Variants in SRPK2 observed in about 807,000 individuals in gnomAD.
SRPK2 encodes the protein SRSF protein kinase 2.
In SRPK2, 21 loss-of-function variants were observed where a neutral mutation model predicts 90.8. The observed-to-expected ratio is 0.23, with a 90% confidence interval of 0.16 to 0.33. SRPK2 has a LOEUF of 0.33. Among genes scored for constraint, SRPK2 ranks in the 10% least tolerant of loss-of-function variants. The pLI is 1.00. For synonymous variants in SRPK2, 288 were observed against 311.1 expected (o/e 0.93, Z 0.78); for missense variants, 620 against 869.0 (o/e 0.71, Z 3.60).
Position 105,350,526 on chromosome 7 carries a change from T to C in SRPK2, c.71+38122A>G, listed in dbSNP as rs1585834646. Among the ~76,000 whole-genome samples, 6 of 104,998 alleles carry C rather than the reference T, an allele frequency of 5.7e-5. No individual in the cohort carries two copies. In the South Asian group the frequency reaches 1.7e-3, roughly 30 times the overall value. The allele number at this position is 104,998 out of a possible 152,430, so 68.9% of individuals were successfully genotyped here. On this transcript the variant is annotated intron_variant, in intron 2 of 15. Coordinates refer to ENST00000393651, the MANE Select transcript of SRPK2 (RefSeq NM_182692.3). ...TAACCCTGTGGTTGCTACAATTTTT[T>C]TTCTTTTTTTTTTTTTTTTGAGACG...
chr7:105,283,026 A>AT (rs1171612825), intron 2 of SRPK2, among the ~76,000 whole-genome samples: 1 of 152,232 alleles, frequency 6.6e-6, no homozygotes, highest in Non-Finnish European at 1.5e-5. Flanking sequence ...CAAGTAGCTA[A>AT]TAAGCACACA....
At chr7:105,120,270 G>A (rs1800148216) in intron 15 of SRPK2, among the ~76,000 whole-genome samples, 1 of 152,160 alleles carries the variant, frequency 6.6e-6, no homozygotes, top group South Asian at 2.1e-4. Context: ...CTACAGAGAA[G>A]CACTGTGTGC....
chr7:105,366,433 G>T (rs1456154313), intron 2 of SRPK2, among the ~76,000 whole-genome samples: 2 of 143,348 alleles, frequency 1.4e-5, no homozygotes, highest in Non-Finnish European at 3.0e-5. Flanking sequence ...GCAGTGGCAT[G>T]ATCTTGACTC....
chr7:105,170,979 GAAAGAAAGAAAGAA>G (rs1791020554), intron 3 of SRPK2, among the ~76,000 whole-genome samples: 2 of 102,400 alleles, frequency 2.0e-5, no homozygotes, highest in African/African-American at 7.8e-5. Context: ...GAAAGAAAGA[GAAAGAAAGAAAGAA>G]AGAGAAAGAA....
At chr7:105,341,603 C>G (rs573599302) in intron 2 of SRPK2, among the ~76,000 whole-genome samples, 11 of 152,178 alleles carry the variant, frequency 7.2e-5, no homozygotes, top group African/African-American at 2.6e-4. Flanking sequence ...GCTCAGGAGG[C>G]AGAGGTTGCA....
At chr7:105,118,119 C>G (rs1799822197) in intron 15 of SRPK2, 97 bp from the exon 16 acceptor site, 3 of 1,230,134 alleles carry the variant, frequency 2.4e-6, no homozygotes, top group Non-Finnish European at 3.4e-6. Flanking sequence ...CGGACAACCA[C>G]CTGCTCAACA....
chr7:105,227,140 CA>C (rs1798813063), intron 2 of SRPK2, among the ~76,000 whole-genome samples: 1 of 152,036 alleles, frequency 6.6e-6, no homozygotes, highest in Admixed American at 6.5e-5. Flanking sequence ...AGTAACAAAG[CA>C]AAGAACTCTT....
At chr7:105,134,079 CT>C (rs776853479) in intron 11 of SRPK2, among the ~76,000 whole-genome samples, 1 of 152,076 alleles carries the variant, frequency 6.6e-6, no homozygotes, top group Non-Finnish European at 1.5e-5. Flanking sequence ...AAAACCAGGA[CT>C]TTTATTTACT....
At chr7:105,251,894 G>A (rs1482293853) in intron 2 of SRPK2, among the ~76,000 whole-genome samples, 2 of 152,174 alleles carry the variant, frequency 1.3e-5, no homozygotes, top group Non-Finnish European at 2.9e-5. Flanking sequence ...CGTGGCTTGA[G>A]GGGGAAGAAG....
At chr7:105,195,344 C>A (rs548215586) in intron 3 of SRPK2, among the ~76,000 whole-genome samples, 6 of 152,234 alleles carry the variant, frequency 3.9e-5, no homozygotes, top group Non-Finnish European at 5.9e-5. Flanking sequence ...CCACCATGCC[C>A]GGCCTGCTAA....
chr7:105,399,312 C>G (rs1421766619), upstream of SRPK2: 1 of 152,136 alleles, frequency 6.6e-6, no homozygotes, highest in Non-Finnish European at 1.5e-5. Context: ...CCTCACTGCA[C>G]GGACCCCTTC....
At chr7:105,333,237 A>C (rs1814658174) in intron 2 of SRPK2, among the ~76,000 whole-genome samples, 1 of 152,136 alleles carries the variant, frequency 6.6e-6, no homozygotes, top group Non-Finnish European at 1.5e-5. Context: ...AAAAGCCTAA[A>C]ACTATGGATG....
rs539886485 is a variant in SRPK2 at position 105,117,685 on chromosome 7, A to G, written c.*153T>C. 3 of 803,258 alleles carry G rather than the reference A, an allele frequency of 3.7e-6. No individual in the cohort carries two copies. The highest frequency in any genetic ancestry group is 5.4e-5 in the East Asian group (2 of 37,000). The allele number at this position is 803,258 out of a possible 1,614,324, so 49.8% of individuals were successfully genotyped here. ...TTCCCCAGGATCACAGTGCACAAAA[A>G]GCAAAATGTCAAACAACAGTACCTC... On this transcript the variant is annotated 3_prime_UTR_variant, in exon 16 of 16. Coordinates refer to ENST00000393651, the MANE Select transcript of SRPK2 (RefSeq NM_182692.3).
intron 2 of SRPK2, among the ~76,000 whole-genome samples, chr7:105,331,308 C>CA (rs57653042): frequency 0.079 from 3,567 of 44,950 alleles, 1,164 homozygotes; most frequent in Non-Finnish European, 0.099. Flanking sequence ...GACTCCGTCT[C>CA]AAAAAAAAAA....
At chr7:105,167,615 T>C (rs758087264) in intron 5 of SRPK2, 151 bp from the exon 6 acceptor site, 158 of 456,064 alleles carry the variant, frequency 3.5e-4, no homozygotes, top group Middle Eastern at 6.0e-4. Context: ...TATTTATTTA[T>C]TTATTTATTT....
intron 7 of SRPK2, among the ~76,000 whole-genome samples, chr7:105,149,516 C>T (rs185073733): frequency 4.6e-5 from 7 of 152,208 alleles, no homozygotes; most frequent in East Asian, 1.9e-4. Flanking sequence ...AGACCGGTGC[C>T]GGTGCAGGTC....
intron 1 of SRPK2, among the ~76,000 whole-genome samples, chr7:105,397,267 C>T (rs999594657): frequency 5.3e-5 from 8 of 151,664 alleles, no homozygotes; most frequent in African/African-American, 1.9e-4. Context: ...CCACCCGCCT[C>T]GGCCTACGAA....
At chr7:105,303,186 C>T (rs1033421892) in intron 2 of SRPK2, among the ~76,000 whole-genome samples, 2 of 152,008 alleles carry the variant, frequency 1.3e-5, no homozygotes, top group African/African-American at 4.8e-5. Context: ...AAGCTGGAAA[C>T]CACCATTCTG....
At chr7:105,386,652 G>A (rs1323846237) in intron 2 of SRPK2, among the ~76,000 whole-genome samples, 3 of 152,232 alleles carry the variant, frequency 2.0e-5, no homozygotes, top group African/African-American at 7.2e-5. Flanking sequence ...GGGAGGCGGA[G>A]GTTGCAGTGA....
Sources: gnomAD v4.1 joint callset for allele counts (sites outside exome capture counted in the v4.1 genomes callset) on GRCh38, gnomAD v4.1.1 for gene constraint, MANE v1.5 for transcripts, NCBI Gene and HGNC (gene_info 2026-07-23, HGNC 2026-07-21) for gene names.